Variants in CADM2 observed in about 807,000 individuals in gnomAD.
CADM2 encodes immunoglobulin superfamily member 4D.
Under a neutral mutation model 49.8 loss-of-function variants are expected in CADM2, and 12 were observed. The ratio of observed to expected loss-of-function variants is 0.24; its 90% CI spans 0.15 to 0.39. CADM2 has a LOEUF of 0.39. CADM2 is among the 10% of genes least tolerant of loss of function. The pLI is 1.00. For missense variants in CADM2, 378 were observed against 492.3 expected (o/e 0.77, Z 2.20); for synonymous variants, 214 against 175.4 (o/e 1.22, Z -1.74).
At position 85,474,120 on chromosome 3, in the gene CADM2, C is replaced by T. The variant is rs560192981; in HGVS notation, c.62-252402C>T. Among the ~76,000 whole-genome samples, 19 of 151,580 alleles carry T rather than the reference C, an allele frequency of 1.3e-4. No homozygotes were observed. The East Asian group carries it at 3.7e-3, about 29-fold the overall frequency. On this transcript the variant is annotated intron_variant, in intron 1 of 9. Coordinates refer to ENST00000383699, the MANE Select transcript of CADM2 (RefSeq NM_001167675.2). ...CAATATTTGTATTAGTTAGGGATCT[C>T]CAGAAAAATAGAACCAACAGGAGGT...
chr3:85,193,081 A>C lies in CADM2; in HGVS notation c.61+233413A>C, dbSNP rs572717274. ...AAGTTCCAGAAATCACAATGGTATAAATAAAGAAGAAGTGTGACTACATTT... is the reference window on the plus strand; with the variant it reads ...AAGTTCCAGAAATCACAATGGTATACATAAAGAAGAAGTGTGACTACATTT... On this transcript the variant is annotated intron_variant, in intron 1 of 9. Coordinates refer to ENST00000383699, the MANE Select transcript of CADM2 (RefSeq NM_001167675.2). Among the ~76,000 whole-genome samples, 9 of 152,208 alleles carry C rather than the reference A, an allele frequency of 5.9e-5. No homozygotes were observed. The South Asian group carries it at 1.2e-3, about 21-fold the overall frequency.
chr3:85,432,451 G>A (rs1401795884), intron 1 of CADM2, among the ~76,000 whole-genome samples: 1 of 151,990 alleles, frequency 6.6e-6, no homozygotes, highest in Admixed American at 6.6e-5. Flanking sequence ...GTTTTAAGTG[G>A]GTCCCTCCAC....
intron 1 of CADM2, among the ~76,000 whole-genome samples, chr3:85,312,830 A>G (rs1415784395): frequency 6.6e-6 from 1 of 152,188 alleles, no homozygotes; most frequent in African/African-American, 2.4e-5. Context: ...GACATTATTA[A>G]TAAATATTGT....
At chr3:85,854,451 A>G (rs1207821066) in intron 3 of CADM2, among the ~76,000 whole-genome samples, 3 of 152,164 alleles carry the variant, frequency 2.0e-5, no homozygotes, top group Non-Finnish European at 4.4e-5. Flanking sequence ...ATGCAGCCAT[A>G]AAAAAGGATG....
chr3:85,670,020 C>T (rs1340248594), intron 1 of CADM2, among the ~76,000 whole-genome samples: 3 of 152,062 alleles, frequency 2.0e-5, no homozygotes, highest in Non-Finnish European at 4.4e-5. Context: ...ATTTCTCCCC[C>T]TGGGTTTCAG....
At chr3:85,647,707 T>C (rs1203223392) in intron 1 of CADM2, among the ~76,000 whole-genome samples, 1 of 151,806 alleles carries the variant, frequency 6.6e-6, no homozygotes, top group Non-Finnish European at 1.5e-5. Flanking sequence ...TGCAATTTTA[T>C]TTTATAAATG....
intron 3 of CADM2, among the ~76,000 whole-genome samples, chr3:85,851,616 T>C (rs2075112890): frequency 6.7e-6 from 1 of 149,650 alleles, no homozygotes; most frequent in African/African-American, 2.5e-5. Flanking sequence ...GAAATCAGTT[T>C]TCTACTATCA....
chr3:86,021,774 G>T (rs1278325077), intron 8 of CADM2, among the ~76,000 whole-genome samples: 3 of 152,130 alleles, frequency 2.0e-5, no homozygotes, highest in African/African-American at 7.2e-5. Flanking sequence ...GTTTTAAAAA[G>T]TATTCAACTA....
intron 1 of CADM2, among the ~76,000 whole-genome samples, chr3:85,630,710 T>G (rs2064281837): frequency 6.6e-6 from 1 of 152,064 alleles, no homozygotes; most frequent in African/African-American, 2.4e-5. Flanking sequence ...AATAACTCAG[T>G]TGGCACAGTG....
chr3:85,301,640 C>T (rs1408736985), intron 1 of CADM2, among the ~76,000 whole-genome samples: 3 of 151,978 alleles, frequency 2.0e-5, no homozygotes. Context: ...ATATAGTCTG[C>T]TTGCCTTTTA....
chr3:85,282,616 G>A (rs1181297466), intron 1 of CADM2, among the ~76,000 whole-genome samples: 1 of 151,706 alleles, frequency 6.6e-6, no homozygotes, highest in Non-Finnish European at 1.5e-5. Context: ...TATAGATTTC[G>A]AGAGAATTAC....
chr3:84,974,900 T>G (rs1282763848), intron 1 of CADM2, among the ~76,000 whole-genome samples: 1 of 151,896 alleles, frequency 6.6e-6, no homozygotes, highest in African/African-American at 2.4e-5. Flanking sequence ...ATTATTAGAG[T>G]CAGAAGTTAA....
chr3:85,646,217 T>C (rs189320769), intron 1 of CADM2, among the ~76,000 whole-genome samples: 1 of 152,010 alleles, frequency 6.6e-6, no homozygotes, highest in African/African-American at 2.4e-5. Flanking sequence ...CTGAACTGTT[T>C]CCTAGATGAT....
intron 1 of CADM2, among the ~76,000 whole-genome samples, chr3:85,444,898 G>A (rs569447917): frequency 2.0e-5 from 3 of 152,218 alleles, no homozygotes; most frequent in Admixed American, 2.0e-4. Flanking sequence ...GTCTAGCACA[G>A]AAAATATTCT....
chr3:85,632,265 T>C (rs1412312832), intron 1 of CADM2, among the ~76,000 whole-genome samples: 1 of 152,118 alleles, frequency 6.6e-6, no homozygotes, highest in Non-Finnish European at 1.5e-5. Flanking sequence ...TGTGACTTGC[T>C]CCTCCTTGCC....
intron 1 of CADM2, among the ~76,000 whole-genome samples, chr3:85,537,310 T>C (rs2061442548): frequency 6.6e-6 from 1 of 152,122 alleles, no homozygotes; most frequent in Non-Finnish European, 1.5e-5. Context: ...AGCATCTACC[T>C]TGGCATATAT....
At chr3:85,254,537 A>C (rs975603431) in intron 1 of CADM2, among the ~76,000 whole-genome samples, 1 of 152,032 alleles carries the variant, frequency 6.6e-6, no homozygotes, top group African/African-American at 2.4e-5. Flanking sequence ...TAGAGTCCTG[A>C]GTCACCAGGA....
intron 3 of CADM2, among the ~76,000 whole-genome samples, chr3:85,880,476 A>T (rs1712586905): frequency 6.6e-6 from 1 of 151,996 alleles, no homozygotes; most frequent in African/African-American, 2.4e-5. Context: ...TTTTTTCTTT[A>T]AGACAGTCCT....
chr3:86,002,783 A>AT (rs1730341268), intron 8 of CADM2, among the ~76,000 whole-genome samples: 1 of 152,094 alleles, frequency 6.6e-6, no homozygotes, highest in South Asian at 2.1e-4. Context: ...GTGGTTTTTA[A>AT]TTTTATCACA....
Sources: allele counts gnomAD v4.1 joint callset (sites outside exome capture counted in the v4.1 genomes callset), GRCh38; gene constraint gnomAD v4.1.1; transcripts MANE v1.5; gene names NCBI Gene and HGNC (gene_info 2026-07-23, HGNC 2026-07-21).